Variants in FBXL7 observed in about 807,000 individuals in gnomAD.
FBXL7 encodes F-box and leucine rich repeat protein 7.
In FBXL7, 12 loss-of-function variants were observed where a neutral mutation model predicts 38.3. The ratio of observed to expected loss-of-function variants is 0.31; its 90% CI spans 0.20 to 0.51. The LOEUF (loss-of-function observed/expected upper bound fraction) is 0.51, where lower values mean the gene tolerates loss of function less well. FBXL7 is among the 20% of genes least tolerant of loss of function. The pLI is 0.98. For missense variants in FBXL7, 567 were observed against 676.4 expected (o/e 0.84, Z 1.79); for synonymous variants, 297 against 300.9 (o/e 0.99, Z 0.13).
chr5:15,716,208 TTGA>T, intron 2 of FBXL7, among the ~76,000 whole-genome samples: 1 of 152,350 alleles, frequency 6.6e-6, no homozygotes, highest in East Asian at 1.9e-4. Context: ...GGCATCTCTC[TTGA>T]GATGAAGATT....
chr5:15,727,847 A>G (rs568895030), intron 2 of FBXL7, among the ~76,000 whole-genome samples: 1 of 152,172 alleles, frequency 6.6e-6, no homozygotes, highest in Non-Finnish European at 1.5e-5. Flanking sequence ...GACTGCTACA[A>G]TGCACGTATT....
intron 2 of FBXL7, among the ~76,000 whole-genome samples, chr5:15,723,600 A>G (rs1744262758): frequency 6.6e-6 from 1 of 152,250 alleles, no homozygotes; most frequent in Non-Finnish European, 1.5e-5. Context: ...TTTCCAGCAT[A>G]CAGTCGAAGG....
chr5:15,850,386 A>T (rs1335797511), intron 2 of FBXL7, among the ~76,000 whole-genome samples: 1 of 152,154 alleles, frequency 6.6e-6, no homozygotes, highest in East Asian at 1.9e-4. Context: ...TCCCTTGCAG[A>T]GTAGCTTCTA....
At chr5:15,874,842 A>G (rs964710270) in intron 2 of FBXL7, among the ~76,000 whole-genome samples, 43 of 152,194 alleles carry the variant, frequency 2.8e-4, no homozygotes, top group African/African-American at 1.0e-3. Context: ...TACTGCCCAA[A>G]GTAATTTATA....
At chr5:15,681,806 G>C (rs1456112333) in intron 2 of FBXL7, among the ~76,000 whole-genome samples, 1 of 152,050 alleles carries the variant, frequency 6.6e-6, no homozygotes, top group Non-Finnish European at 1.5e-5. Context: ...TTTCCTTTTT[G>C]CCTTTGTTAG....
intron 1 of FBXL7, among the ~76,000 whole-genome samples, chr5:15,564,122 GTT>G (rs1407922802): frequency 6.6e-6 from 1 of 152,054 alleles, no homozygotes; most frequent in African/African-American, 2.4e-5. Context: ...TACCAGCTAA[GTT>G]TATTAAAAAT....
chr5:15,894,835 A>G (rs935547199), intron 2 of FBXL7, among the ~76,000 whole-genome samples: 1 of 152,224 alleles, frequency 6.6e-6, no homozygotes, highest in Non-Finnish European at 1.5e-5. Flanking sequence ...CATCAGGCCT[A>G]GAGAGAAATT....
At chr5:15,783,068 G>A (rs916189275) in intron 2 of FBXL7, among the ~76,000 whole-genome samples, 3 of 152,086 alleles carry the variant, frequency 2.0e-5, no homozygotes, top group African/African-American at 4.8e-5. Flanking sequence ...GAAATTTGGG[G>A]GTTTGACAGG....
At chr5:15,772,173 T>C (rs1379199701) in intron 2 of FBXL7, among the ~76,000 whole-genome samples, 5 of 152,138 alleles carry the variant, frequency 3.3e-5, no homozygotes, top group Non-Finnish European at 5.9e-5. Context: ...GTACACATGC[T>C]CTAAACAGCT....
rs946712428 is a variant in FBXL7, at chr5:15,885,321, G to C, written c.128-42569G>C. ...AGTGAGCAAGTGAGAGGGCGAGAGA[G>C]AGGATGAAACCAAGAAGGAAGTAGT... is the stretch of plus-strand genomic sequence containing the variant. On this transcript the variant is annotated intron_variant, in intron 2 of 3. Coordinates refer to ENST00000504595, the MANE Select transcript of FBXL7 (RefSeq NM_012304.5). Among the ~76,000 whole-genome samples, 4 of 152,218 alleles carry C rather than the reference G, an allele frequency of 2.6e-5. 1 individual carries two copies. The highest frequency in any genetic ancestry group is 6.5e-5 in the Admixed American group (1 of 15,284).
chr5:15,829,520 T>C (rs887218625), intron 2 of FBXL7, among the ~76,000 whole-genome samples: 1 of 152,292 alleles, frequency 6.6e-6, no homozygotes, highest in East Asian at 1.9e-4. Context: ...AAGAAATAAA[T>C]GGTTAAAAAT....
intron 2 of FBXL7, among the ~76,000 whole-genome samples, chr5:15,650,471 G>A (rs1199566749): frequency 6.6e-6 from 1 of 152,210 alleles, no homozygotes; most frequent in African/African-American, 2.4e-5. Context: ...GGTGGTTGCT[G>A]AAGCTTGGGG....
At chr5:15,864,576 G>A (rs112018617) in intron 2 of FBXL7, among the ~76,000 whole-genome samples, 282 of 152,230 alleles carry the variant, frequency 1.9e-3, no homozygotes, top group African/African-American at 5.5e-3. Context: ...ACTGCGAGGT[G>A]CTAAGAATGG....
intron 1 of FBXL7, among the ~76,000 whole-genome samples, chr5:15,539,390 C>T (rs1219832193): frequency 2.0e-5 from 3 of 152,202 alleles, no homozygotes; most frequent in African/African-American, 4.8e-5. Flanking sequence ...TTAGATTTCA[C>T]ACAAGGGCTT....
chr5:15,509,267 T>G (rs752465993), intron 1 of FBXL7, among the ~76,000 whole-genome samples: 3 of 152,096 alleles, frequency 2.0e-5, no homozygotes, highest in Non-Finnish European at 2.9e-5. Flanking sequence ...GAATGTAGCT[T>G]CTTTCTTTTT....
intron 2 of FBXL7, among the ~76,000 whole-genome samples, chr5:15,696,288 C>T (rs73755511): frequency 0.053 from 8,082 of 152,186 alleles, 223 homozygotes; most frequent in East Asian, 0.083. Flanking sequence ...TGTAAAACAA[C>T]ATTGTCGTGC....
intron 1 of FBXL7, chr5:15,501,749 C>A: frequency 3.0e-6 from 3 of 985,378 alleles, no homozygotes; most frequent in Non-Finnish European, 3.6e-6. Flanking sequence ...CGTTTCTCAG[C>A]AGTTTTGTGA....
intron 2 of FBXL7, among the ~76,000 whole-genome samples, chr5:15,659,314 C>T (rs1274948283): frequency 6.6e-6 from 1 of 151,718 alleles, no homozygotes; most frequent in Non-Finnish European, 1.5e-5. Context: ...GCTACATAAC[C>T]TCCCAGATAA....
chr5:15,882,548 C>A (rs1489736574), intron 2 of FBXL7, among the ~76,000 whole-genome samples: 1 of 152,210 alleles, frequency 6.6e-6, no homozygotes, highest in Admixed American at 6.5e-5. Context: ...CCCCATTCTT[C>A]TTACACAGCC....
Sources: gnomAD v4.1 joint callset for allele counts (sites outside exome capture counted in the v4.1 genomes callset) on GRCh38, gnomAD v4.1.1 for gene constraint, MANE v1.5 for transcripts, NCBI Gene and HGNC (gene_info 2026-07-23, HGNC 2026-07-21) for gene names.